The following ARID5B variants were observed in gnomAD, a reference collection of about 807,000 sequenced individuals.
The protein encoded by ARID5B is AT-rich interactive domain-containing protein 5B.
ARID5B carries 13 observed loss-of-function variants against 97.2 expected under a neutral mutation model. The observed-to-expected ratio is 0.13, with a 90% confidence interval of 0.09 to 0.21. ARID5B has a LOEUF of 0.21. Ranked by LOEUF, ARID5B falls within the 10% of genes least tolerant of loss-of-function variation. The pLI, the probability that ARID5B is intolerant of heterozygous loss-of-function variation, is 1.00. For synonymous variants in ARID5B, 556 were observed against 570.3 expected (o/e 0.97, Z 0.36); for missense variants, 1,210 against 1,465.3 (o/e 0.83, Z 2.84).
At position 62,092,790 on chromosome 10, in the gene ARID5B, G is replaced by C. The variant is rs1840403750; in HGVS notation, c.3327G>C (p.Gln1109His). 5 of 1,614,192 alleles carry C rather than the reference G, an allele frequency of 3.1e-6. No homozygotes were observed. In the Middle Eastern group the frequency reaches 6.6e-4, roughly 213 times the overall value. The change falls in exon 10 of 10, where the codon CAG (glutamine) becomes CAC (histidine). Residue 1109 changes from glutamine (Q) to histidine (H), a missense_variant. Physicochemically the swap from Gln to His is conservative, Grantham distance 24. Transcript: ENST00000279873. Reference protein sequence around the residue: ...YSHSLQYLKNQTVLSPLMQPL... With the variant: ...YSHSLQYLKNHTVLSPLMQPL... ...ATTCTCTGCAGTACTTGAAAAACCA[G>C]ACTGTGCTTTCTCCACTCATGCAGC...
intron 3 of ARID5B, among the ~76,000 whole-genome samples, chr10:61,967,106 G>T (rs1471214943): frequency 2.0e-5 from 3 of 151,512 alleles, no homozygotes; most frequent in Non-Finnish European, 2.9e-5. Context: ...CCATTTTTTA[G>T]CCCTTTAAGA....
intron 2 of ARID5B, among the ~76,000 whole-genome samples, chr10:61,936,868 G>GA (rs1194472033): frequency 1.7e-4 from 24 of 143,890 alleles, no homozygotes; most frequent in African/African-American, 4.4e-4. Context: ...AAAAAAGAAA[G>GA]AAAAAAAAAC....
Position 62,091,606 on chromosome 10 carries a change from C to G in ARID5B, c.2143C>G (p.Pro715Ala), listed in dbSNP as rs141997585. ...CAGCTACCCTTATGGCTCCCCACCC[C>G]CTTTGATCAGCAAAAAGAAACTGAT... ...SSSYPYGSPP[P>A]LISKKKLIAR... Residue 715 changes from proline (P) to alanine (A), a missense_variant, in exon 10 of 10, where the codon CCT (proline) becomes GCT (alanine). By Grantham distance (27) the Pro-to-Ala change is conservative. Coordinates refer to ENST00000279873, the MANE Select transcript of ARID5B (RefSeq NM_032199.3). The G allele has an allele frequency of 3.2e-5, 51 of 1,613,540 alleles. No homozygotes were observed. The highest frequency in any genetic ancestry group is 1.6e-4 in the Middle Eastern group (1 of 6,078).
intron 3 of ARID5B, among the ~76,000 whole-genome samples, chr10:61,996,019 C>G (rs770435165): frequency 6.6e-6 from 1 of 152,088 alleles, no homozygotes; most frequent in African/African-American, 2.4e-5. Flanking sequence ...TAGACCAAGC[C>G]CCAGCTGTGC....
intron 2 of ARID5B, among the ~76,000 whole-genome samples, chr10:61,911,317 C>T (rs1843799931): frequency 6.6e-6 from 1 of 152,244 alleles, no homozygotes; most frequent in Non-Finnish European, 1.5e-5. Context: ...TAAATTGGCT[C>T]TTTTTGTGCT....
chr10:62,057,470 AT>A (rs1166856062), intron 6 of ARID5B, 152 bp downstream of exon 6: 1 of 820,276 alleles, frequency 1.2e-6, no homozygotes, highest in Non-Finnish European at 1.9e-6. Flanking sequence ...CAGGCCAAGA[AT>A]TTTTTCCCTG....
At chr10:61,939,170 A>G (rs1440455280) in intron 2 of ARID5B, among the ~76,000 whole-genome samples, 1 of 152,128 alleles carries the variant, frequency 6.6e-6, no homozygotes, top group Non-Finnish European at 1.5e-5. Context: ...TTGTAATCTT[A>G]GGGGTTTTCA....
chr10:62,083,598 GGGGAA>G (rs1840244268), intron 8 of ARID5B, among the ~76,000 whole-genome samples: 1 of 152,168 alleles, frequency 6.6e-6, no homozygotes. Context: ...AATGAAGCTG[GGGGAA>G]GGGTGGTACC....
At chr10:61,976,442 A>G (rs1043023957) in intron 3 of ARID5B, among the ~76,000 whole-genome samples, 1 of 152,190 alleles carries the variant, frequency 6.6e-6, no homozygotes. Context: ...AAGCCTAAAT[A>G]ACTGTGTATA....
At chr10:61,923,255 C>T (rs1345687801) in intron 2 of ARID5B, among the ~76,000 whole-genome samples, 1 of 152,180 alleles carries the variant, frequency 6.6e-6, no homozygotes, top group Non-Finnish European at 1.5e-5. Context: ...CTTCCCTCAC[C>T]TCTTAACTTG....
At chr10:62,036,656 G>A (rs1839568665) in intron 4 of ARID5B, among the ~76,000 whole-genome samples, 1 of 152,216 alleles carries the variant, frequency 6.6e-6, no homozygotes, top group African/African-American at 2.4e-5. Context: ...CTTGGAAAGT[G>A]TGTTTCAGTA....
intron 6 of ARID5B, among the ~76,000 whole-genome samples, chr10:62,058,546 A>G (rs960452683): frequency 2.0e-5 from 3 of 152,234 alleles, no homozygotes; most frequent in Admixed American, 6.5e-5. Context: ...AAACATATAC[A>G]AACTCTGCAA....
intron 4 of ARID5B, among the ~76,000 whole-genome samples, chr10:62,034,799 A>G (rs1045012235): frequency 1.2e-4 from 19 of 152,228 alleles, no homozygotes; most frequent in African/African-American, 3.9e-4. Flanking sequence ...TGTAATCTCT[A>G]CATTACAGAT....
intron 4 of ARID5B, among the ~76,000 whole-genome samples, chr10:62,038,093 C>G (rs1293169695): frequency 6.6e-6 from 1 of 152,170 alleles, no homozygotes; most frequent in East Asian, 1.9e-4. Flanking sequence ...TCTCCCCCAG[C>G]TTTCTCTTAA....
chr10:61,999,235 T>C (rs1222829032), intron 3 of ARID5B, among the ~76,000 whole-genome samples: 1 of 152,218 alleles, frequency 6.6e-6, no homozygotes, highest in Non-Finnish European at 1.5e-5. Flanking sequence ...TGGACATCTT[T>C]GGGGCCAGAT....
intron 2 of ARID5B, among the ~76,000 whole-genome samples, chr10:61,903,971 T>C (rs1312070019): frequency 1.3e-5 from 2 of 149,640 alleles, no homozygotes; most frequent in Non-Finnish European, 3.0e-5. Context: ...TAAAAAGGTG[T>C]TGTTTGGAAA....
At chr10:61,925,262 C>T (rs1478165271) in intron 2 of ARID5B, among the ~76,000 whole-genome samples, 1 of 151,922 alleles carries the variant, frequency 6.6e-6, no homozygotes, top group Non-Finnish European at 1.5e-5. Flanking sequence ...CGAGTCATTC[C>T]GGATTGGGTG....
intron 7 of ARID5B, among the ~76,000 whole-genome samples, chr10:62,067,272 G>A (rs928325281): frequency 2.0e-5 from 3 of 152,192 alleles, no homozygotes; most frequent in African/African-American, 4.8e-5. Flanking sequence ...TAGTAGAGAC[G>A]GGGTTTCTCC....
At chr10:62,074,002 G>C (rs928106273) in intron 8 of ARID5B, among the ~76,000 whole-genome samples, 9 of 152,090 alleles carry the variant, frequency 5.9e-5, no homozygotes, top group Non-Finnish European at 1.2e-4. Context: ...TGATTTTCTG[G>C]AATAGTAAAT....
Sources: gnomAD v4.1 joint callset for allele counts (sites outside exome capture counted in the v4.1 genomes callset) on GRCh38, gnomAD v4.1.1 for gene constraint, MANE v1.5 for transcripts, NCBI Gene and HGNC (gene_info 2026-07-23, HGNC 2026-07-21) for gene names.